Variants in SEMA5B observed in about 807,000 individuals in gnomAD.
The protein encoded by SEMA5B is semaphorin 5B.
In SEMA5B, 66 loss-of-function variants were observed where a neutral mutation model predicts 135.0. The ratio of observed to expected loss-of-function variants is 0.49; its 90% confidence interval spans 0.40 to 0.60. The LOEUF (loss-of-function observed/expected upper bound fraction) is 0.60, where lower values mean the gene tolerates loss of function less well. Among genes scored for constraint, SEMA5B ranks in the 20% least tolerant of loss-of-function variants. The pLI, the probability that SEMA5B is intolerant of heterozygous loss-of-function variation, is 0.00. For missense variants in SEMA5B, 1,501 were observed against 1,566.3 expected (o/e 0.96, Z 0.70); for synonymous variants, 690 against 639.5 (o/e 1.08, Z -1.19).
intron 1 of SEMA5B, among the ~76,000 whole-genome samples, chr3:123,006,525 A>G (rs1293259482): frequency 6.6e-6 from 1 of 152,196 alleles, no homozygotes; most frequent in Non-Finnish European, 1.5e-5. Context: ...ATTTTAAACA[A>G]CAACCTTCTA....
chr3:122,923,192 GCCCTGACCACA>G (rs1459594801), intron 10 of SEMA5B, among the ~76,000 whole-genome samples: 1 of 152,158 alleles, frequency 6.6e-6, no homozygotes, highest in Non-Finnish European at 1.5e-5. Flanking sequence ...CCACGGCTGG[GCCCTGACCACA>G]CCCTGACCAC....
intron 6 of SEMA5B, 98 bp downstream of exon 6, chr3:122,928,898 A>G: frequency 1.6e-6 from 2 of 1,244,924 alleles, no homozygotes; most frequent in Non-Finnish European, 2.3e-6. Flanking sequence ...AGGCCTCTCT[A>G]GCAGGGGACC....
intron 12 of SEMA5B, among the ~76,000 whole-genome samples, chr3:122,920,562 G>A (rs1349811242): frequency 6.6e-6 from 1 of 152,168 alleles, no homozygotes; most frequent in Non-Finnish European, 1.5e-5. Context: ...TGCTAGACTG[G>A]GCACTTTATG....
intron 1 of SEMA5B, among the ~76,000 whole-genome samples, chr3:123,020,465 C>G (rs1942651129): frequency 1.3e-5 from 2 of 152,318 alleles, no homozygotes; most frequent in South Asian, 2.1e-4. Context: ...CAGGAGCTCT[C>G]ACAATCAGCT....
At chr3:122,968,952 T>C (rs1940997472) in intron 1 of SEMA5B, among the ~76,000 whole-genome samples, 1 of 152,176 alleles carries the variant, frequency 6.6e-6, no homozygotes, top group Non-Finnish European at 1.5e-5. Context: ...TCTGACTCAA[T>C]TTTTCTCACC....
At chr3:122,917,773 C>T (rs73856745) in intron 12 of SEMA5B, among the ~76,000 whole-genome samples, 3,513 of 152,274 alleles carry the variant, frequency 0.023, 131 homozygotes, top group African/African-American at 0.076. Context: ...AGTTTATTCA[C>T]TCAAGGACAA....
chr3:122,917,933 G>T (rs1469279688), intron 12 of SEMA5B, among the ~76,000 whole-genome samples: 1 of 152,158 alleles, frequency 6.6e-6, no homozygotes, highest in Non-Finnish European at 1.5e-5. Flanking sequence ...GCAACCTGTG[G>T]TTTTGAGACT....
intron 3 of SEMA5B, among the ~76,000 whole-genome samples, chr3:122,947,623 C>T (rs557002008): frequency 6.6e-6 from 1 of 152,212 alleles, no homozygotes; most frequent in African/African-American, 2.4e-5. Flanking sequence ...CTCTGACAAG[C>T]CTCTCTGGCC....
chr3:122,952,003 G>A (rs1940070080), intron 2 of SEMA5B, among the ~76,000 whole-genome samples: 1 of 152,174 alleles, frequency 6.6e-6, no homozygotes, highest in African/African-American at 2.4e-5. Context: ...CGAAGCCAGA[G>A]CACCCAACTG....
chr3:122,945,679 G>A (rs887850409), intron 3 of SEMA5B, among the ~76,000 whole-genome samples: 1 of 152,184 alleles, frequency 6.6e-6, no homozygotes, highest in African/African-American at 2.4e-5. Context: ...CATTCCAGAT[G>A]TAGGCAGCTA....
intron 1 of SEMA5B, among the ~76,000 whole-genome samples, chr3:122,964,131 C>T (rs1261636821): frequency 6.6e-6 from 1 of 152,220 alleles, no homozygotes; most frequent in East Asian, 1.9e-4. Context: ...CCTTAACCTG[C>T]TCCTCCCATG....
At chr3:123,012,787 C>T (rs1942465876) in intron 1 of SEMA5B, among the ~76,000 whole-genome samples, 2 of 152,186 alleles carry the variant, frequency 1.3e-5, no homozygotes, top group Admixed American at 6.5e-5. Context: ...ATCCTTCCAC[C>T]CCAGTCCTAG....
rs557849387 is a variant in SEMA5B, at chr3:123,016,637, C to T, written c.-39+10827G>A. Among the ~76,000 whole-genome samples the T allele has an allele frequency of 5.1e-4, 77 of 152,220 alleles. 1 individual carries two copies. The South Asian group carries it at 0.016, about 31-fold the overall frequency. ...TCACCCAGGCTAGAGTGCAGTGATG[C>T]TATCACAGTTCATTGCAGCCTTGAG... On this transcript the variant is annotated intron_variant, in intron 1 of 22. Transcript: ENST00000357599.
Position 122,915,444 on chromosome 3 carries a change from A to G in SEMA5B, c.1984T>C (p.Ser662Pro). ...GTAAACCCTGTCCTCACATACCTGG[A>G]GCAGTTGGCGATGTGGATGGCTGGC... ...LGPAIHIANC[S>P]RNGAWTPWSS... Residue 662 changes from serine (S) to proline (P), a missense_variant, in exon 14 of 23, where the codon TCC (serine) becomes CCC (proline). Ser to Pro is a moderately conservative substitution (Grantham distance 74). Around this residue, in one of 2 missense-constraint regions of SEMA5B, gnomAD observed 927 missense variants for 881.6 expected, o/e 1.05. Coordinates refer to ENST00000357599, the MANE Select transcript of SEMA5B (RefSeq NM_001031702.4). 1 of 1,609,362 alleles carries G rather than the reference A, an allele frequency of 6.2e-7. No homozygotes were observed. The highest frequency in any genetic ancestry group is 1.1e-5 in the South Asian group (1 of 90,356).
intron 5 of SEMA5B, among the ~76,000 whole-genome samples, chr3:122,936,354 C>A (rs1468784343): frequency 6.6e-6 from 1 of 152,188 alleles, no homozygotes; most frequent in Non-Finnish European, 1.5e-5. Flanking sequence ...GCATTAAGTC[C>A]ACTGCTCTGT....
At chr3:122,958,618 A>G (rs1023419002) in intron 2 of SEMA5B, among the ~76,000 whole-genome samples, 10 of 152,204 alleles carry the variant, frequency 6.6e-5, no homozygotes, top group Admixed American at 2.6e-4. Flanking sequence ...ATTGCTCTGA[A>G]TAGAGCAGAT....
At chr3:122,919,048 A>G (rs554372302) in intron 12 of SEMA5B, among the ~76,000 whole-genome samples, 40 of 150,918 alleles carry the variant, frequency 2.7e-4, no homozygotes, top group African/African-American at 9.3e-4. Flanking sequence ...CCATTACAAA[A>G]AGGAACAGGT....
intron 1 of SEMA5B, 104 bp from the exon 2 acceptor site, chr3:122,961,405 G>T: frequency 9.7e-7 from 1 of 1,035,876 alleles, no homozygotes; most frequent in Non-Finnish European, 1.4e-6. Flanking sequence ...CATGGTTGCT[G>T]CTGTGTTTGT....
At chr3:122,928,858 C>T in intron 6 of SEMA5B, 138 bp downstream of exon 6, 1 of 867,716 alleles carries the variant, frequency 1.2e-6, no homozygotes, top group Non-Finnish European at 1.8e-6. Flanking sequence ...TTATCCTCAC[C>T]TGCCCAAGGA....
Sources: allele counts gnomAD v4.1 joint callset (sites outside exome capture counted in the v4.1 genomes callset), GRCh38; gene constraint gnomAD v4.1.1; regional missense constraint gnomAD v4.1.1; transcripts MANE v1.5; gene names NCBI Gene and HGNC (gene_info 2026-07-23, HGNC 2026-07-21).